The following MORC3 variants were observed in gnomAD, a reference collection of about 807,000 sequenced individuals.
MORC3 encodes MORC family CW-type zinc finger protein 3.
Under a neutral mutation model 109.1 loss-of-function variants are expected in MORC3, and 31 were observed. The ratio of observed to expected loss-of-function variants is 0.28; its 90% CI spans 0.21 to 0.38. MORC3 has a LOEUF of 0.38. Ranked by LOEUF, MORC3 falls within the 10% of genes least tolerant of loss-of-function variation. The pLI, the probability that MORC3 is intolerant of heterozygous loss-of-function variation, is 1.00. For missense variants in MORC3, 867 were observed against 1,135.8 expected, an observed-to-expected ratio of 0.76 and a Z score of 3.40; for synonymous variants, 395 against 380.7, an observed-to-expected ratio of 1.04 and a Z score of -0.44.
At position 36,336,984 on chromosome 21, in the gene MORC3, G is replaced by C. The variant is rs1184078464; in HGVS notation, c.223G>C (p.Asp75His). The C allele has an allele frequency of 1.9e-6, 3 of 1,610,934 alleles. No individual in the cohort carries two copies. The highest frequency in any genetic ancestry group is 2.5e-6 in the Non-Finnish European group (3 of 1,179,066). ...FTDNGNGMTS[D>H]KLHKMLSFGF... The stretch of plus-strand genomic sequence containing the variant: ...CGACAATGGGAATGGTATGACTTCT[G>C]ATAAATTACATAAAATGCTAAGGTA... The change falls in exon 3 of 17, where the codon GAT becomes CAT. Residue 75 changes from aspartate to histidine, a missense_variant. Transcript: ENST00000400485.
At chr21:36,326,442 C>T (rs1390460958) in intron 1 of MORC3, among the ~76,000 whole-genome samples, 1 of 151,276 alleles carries the variant, frequency 6.6e-6, no homozygotes, top group Non-Finnish European at 1.5e-5. Flanking sequence ...AGGAGAATCG[C>T]TTGAACCTGA....
At chr21:36,324,955 C>T (rs551238008) in intron 1 of MORC3, among the ~76,000 whole-genome samples, 199 of 149,908 alleles carry the variant, frequency 1.3e-3, no homozygotes, top group South Asian at 3.6e-3. Context: ...CTGATCCACC[C>T]GCCTCGGCCT....
rs1222005356 is a variant in MORC3, at chr21:36,341,675, A to T, written c.756+129A>T. 13 of 1,309,474 alleles carry T rather than the reference A, an allele frequency of 9.9e-6. No homozygotes were observed. In the Admixed American group the frequency reaches 3.0e-4, roughly 31 times the overall value. The allele number at this position is 1,309,474 out of a possible 1,614,324, so 81.1% of individuals were successfully genotyped here. On this transcript the variant is annotated intron_variant, in intron 6 of 16. Transcript: ENST00000400485. ...TCTAAATGAAAGTATCTCAGACATG[A>T]TTTTCCCTGGCCCACTCAGCCTGGG...
At chr21:36,374,517 A>G (rs1389185903) in intron 16 of MORC3, among the ~76,000 whole-genome samples, 2 of 152,170 alleles carry the variant, frequency 1.3e-5, no homozygotes, top group African/African-American at 4.8e-5. Context: ...AATTCTGGCT[A>G]AGCATGGTGG....
rs35837458 is a variant in MORC3, at chr21:36,353,355, CAAAAAA to C, written c.1104-3245_1104-3240del. Among the ~76,000 whole-genome samples the C allele has an allele frequency of 1.3e-4, 7 of 55,662 alleles. No homozygotes were observed. The East Asian group carries it at 1.7e-3, about 13-fold the overall frequency. The allele number at this position is 55,662 out of a possible 152,430, so 36.5% of individuals were successfully genotyped here. ...TTGGTGACAGAGAGAGACTCTGTCT[CAAAAAA>C]AAAAAAAAAAAAAAAAAAATCATGG... is the stretch of plus-strand genomic sequence containing the variant. On this transcript the variant is annotated intron_variant, in intron 9 of 16. Coordinates refer to ENST00000400485, the MANE Select transcript of MORC3 (RefSeq NM_015358.3).
In MORC3 at chr21:36,344,484, T is replaced by G. The variant is rs544126593; in HGVS notation, c.757-95T>G. The G allele has an allele frequency of 1.4e-4, 188 of 1,366,042 alleles. 6 individuals are homozygous for G. The South Asian group carries it at 2.4e-3, about 18-fold the overall frequency. The allele number at this position is 1,366,042 out of a possible 1,614,324, so 84.6% of individuals were successfully genotyped here. A position where few individuals can be genotyped will look rare whatever the true frequency, so the allele number is the denominator to read the frequency against. ...TTTTATTGAAGAGTTAATTGATCTT[T>G]TATCAAGTTAATAGGAGAGCTTCTG... is the stretch of plus-strand genomic sequence containing the variant. On this transcript the variant is annotated intron_variant, in intron 6 of 16. Transcript: ENST00000400485.
chr21:36,322,679 T>C (rs1347574930), intron 1 of MORC3, among the ~76,000 whole-genome samples: 1 of 152,204 alleles, frequency 6.6e-6, no homozygotes, highest in African/African-American at 2.4e-5. Flanking sequence ...GCCCAATGTA[T>C]ACACATTTTA....
At chr21:36,352,294 A>G (rs1393411033) in intron 9 of MORC3, among the ~76,000 whole-genome samples, 1 of 152,088 alleles carries the variant, frequency 6.6e-6, no homozygotes, top group Non-Finnish European at 1.5e-5. Flanking sequence ...CTAATGGGGA[A>G]CAATTGATAG....
In MORC3 at chr21:36,320,214, T is replaced by TA. The variant is rs2085173005; in HGVS notation, c.-51_-50insA. 1 of 1,412,580 alleles carries TA rather than the reference T, an allele frequency of 7.1e-7. No individual in the cohort carries two copies. The highest frequency in any genetic ancestry group is 9.6e-7 in the Non-Finnish European group (1 of 1,039,892). The allele number at this position is 1,412,580 out of a possible 1,614,324, so 87.5% of individuals were successfully genotyped here. The stretch of plus-strand genomic sequence containing the variant: ...AGGGCTCCACAGTCGTTCCGCCACC[T>TA]CCCAGTCGGGTTGCGGCGGAGGCCG... On this transcript the variant is annotated 5_prime_UTR_variant, in exon 1 of 17. Transcript: ENST00000400485.
rs2085540494 is a variant in MORC3 at position 36,348,770 on chromosome 21, TCAA to T, written c.1006-537_1006-535del. Among the ~76,000 whole-genome samples the T allele has an allele frequency of 1.3e-5, 2 of 152,212 alleles. 1 individual carries two copies. The highest frequency in any genetic ancestry group is 4.1e-4 in the South Asian group (2 of 4,832). ...TAATACTTGTCTAAATGGATACTTG[TCAA>T]CAATCAAAGGGTTTTTGAGGAAGGC... On this transcript the variant is annotated intron_variant, in intron 8 of 16. Transcript: ENST00000400485.
chr21:36,368,382 G>T (rs1285336025), intron 14 of MORC3, among the ~76,000 whole-genome samples: 1 of 152,128 alleles, frequency 6.6e-6, no homozygotes, highest in Non-Finnish European at 1.5e-5. Flanking sequence ...ATTCTGTTCT[G>T]GAAATGTGTA....
chr21:36,330,395 A>G (rs1463810264), intron 1 of MORC3, among the ~76,000 whole-genome samples: 1 of 152,196 alleles, frequency 6.6e-6, no homozygotes, highest in Non-Finnish European at 1.5e-5. Context: ...AAACTCAACC[A>G]ATCTTAACCA....
chr21:36,336,230 TTTTTTGTTTTTG>T (rs568665151), intron 2 of MORC3, among the ~76,000 whole-genome samples: 19 of 137,586 alleles, frequency 1.4e-4, no homozygotes, highest in South Asian at 2.3e-4. Context: ...CATGGTCAGC[TTTTTTGTTTTTG>T]TTTTTGTTTT....
At chr21:36,354,740 C>G (rs75340437) in intron 9 of MORC3, among the ~76,000 whole-genome samples, 4,034 of 152,262 alleles carry the variant, frequency 0.026, 168 homozygotes, top group African/African-American at 0.089. Context: ...TGGAACCCAC[C>G]TTCTGGATTG....
At chr21:36,371,334 A>G (rs765779191) in intron 15 of MORC3, among the ~76,000 whole-genome samples, 19 of 152,144 alleles carry the variant, frequency 1.2e-4, no homozygotes, top group Non-Finnish European at 2.9e-5. Flanking sequence ...ATGCTCCTCA[A>G]CTTATGATGG....
At position 36,369,287 on chromosome 21, in the gene MORC3, C is replaced by T; in HGVS notation, c.1919C>T (p.Thr640Ile). 1.9e-6 allele frequency: 3 copies of T among 1,614,088 alleles called. No individual in the cohort carries two copies. Among genetic ancestry groups the T allele is most frequent in the Non-Finnish European group, 2.5e-6 (3 of 1,180,014 alleles). Reference sequence around the variant, plus strand: ...TGCGACCAGGGAAATACTGCAGCTACCCAGACTGAAGTACCAAGTTTAGTT... The same window carrying T: ...TGCGACCAGGGAAATACTGCAGCTATCCAGACTGAAGTACCAAGTTTAGTT... ...SRCDQGNTAA[T>I]QTEVPSLVVK... Residue 640 changes from threonine (T) to isoleucine (I), a missense_variant, in exon 15 of 17, where the codon ACC becomes ATC. By Grantham distance (89) the Thr-to-Ile change is moderately conservative. This residue lies in a region of MORC3 where 486 missense variants were observed against 502.1 expected (regional missense o/e 0.97). Coordinates refer to ENST00000400485, the MANE Select transcript of MORC3 (RefSeq NM_015358.3).
At chr21:36,364,014 G>T in intron 13 of MORC3, 79 bp from the exon 14 acceptor site, 1 of 1,426,372 alleles carries the variant, frequency 7.0e-7, no homozygotes. Context: ...TAAGGGGGAA[G>T]AGGAAGATTA....
At chr21:36,349,849 T>C (rs2085551299) in intron 9 of MORC3, among the ~76,000 whole-genome samples, 1 of 152,150 alleles carries the variant, frequency 6.6e-6, no homozygotes, top group African/African-American at 2.4e-5. Flanking sequence ...GGGAGCCTTA[T>C]GTTGTTGGAG....
chr21:36,350,675 C>T (rs1234482274), intron 9 of MORC3, among the ~76,000 whole-genome samples: 1 of 151,780 alleles, frequency 6.6e-6, no homozygotes, highest in Non-Finnish European at 1.5e-5. Context: ...GAAGAAATTA[C>T]TACAGAGCCT....
Sources: allele counts gnomAD v4.1 joint callset (sites outside exome capture counted in the v4.1 genomes callset), GRCh38; gene constraint gnomAD v4.1.1; regional missense constraint gnomAD v4.1.1; transcripts MANE v1.5; gene names NCBI Gene and HGNC (gene_info 2026-07-23, HGNC 2026-07-21).